RNF122: variants seen among roughly 807,000 people sequenced by gnomAD.
RNF122 encodes ring finger protein 122.
A neutral mutation model predicts 24.2 loss-of-function variants in RNF122; 17 were observed. The ratio of observed to expected loss-of-function variants is 0.70; its 90% CI spans 0.48 to 1.06. RNF122 has a LOEUF of 1.06. RNF122 is among the 50% of genes least tolerant of loss of function. The pLI is 0.00. For missense variants in RNF122, 168 were observed against 198.1 expected, an observed-to-expected ratio of 0.85 and a Z score of 0.91; for synonymous variants, 65 against 71.8, an observed-to-expected ratio of 0.91 and a Z score of 0.48.
At chr8:33,565,131 A>C (rs929019148) in intron 1 of RNF122, among the ~76,000 whole-genome samples, 1 of 152,172 alleles carries the variant, frequency 6.6e-6, no homozygotes, top group African/African-American at 2.4e-5. Context: ...TCTCTTTCCC[A>C]GCCAACGGGA....
chr8:33,557,161 G>A (rs1810465355), intron 2 of RNF122, among the ~76,000 whole-genome samples: 2 of 152,174 alleles, frequency 1.3e-5, no homozygotes, highest in Non-Finnish European at 1.5e-5. Flanking sequence ...TGGCCACAAT[G>A]GCCCTAAAGA....
chr8:33,560,443 G>A (rs962349656), intron 1 of RNF122, among the ~76,000 whole-genome samples: 1 of 152,024 alleles, frequency 6.6e-6, no homozygotes, highest in Non-Finnish European at 1.5e-5. Context: ...GTGTAAACAT[G>A]CCTCACTGTA....
rs758875390 is a variant in RNF122, at chr8:33,558,608, C to T, written c.182+7G>A. On this transcript the variant is annotated splice_region_variant and intron_variant, in intron 2 of 5. Transcript: ENST00000256257. Reference sequence around the variant, plus strand: ...CTCCCACCCCGGTCAGCCAGGGATCCACGCACCTGATAAAATAGCAGCAGA... The same window carrying T: ...CTCCCACCCCGGTCAGCCAGGGATCTACGCACCTGATAAAATAGCAGCAGA... The T allele has an allele frequency of 6.3e-7, 1 of 1,597,500 alleles. No individual in the cohort carries two copies. Among genetic ancestry groups the T allele is most frequent in the South Asian group, 1.1e-5 (1 of 88,972 alleles).
chr8:33,549,290 G>T, intron 5 of RNF122, 120 bp downstream of exon 5: 1 of 792,700 alleles, frequency 1.3e-6, no homozygotes, highest in Non-Finnish European at 2.2e-6. Context: ...CGGTGTTCAC[G>T]TAGGACCTGG....
At position 33,560,522 on chromosome 8, in the gene RNF122, G is replaced by T. The variant is rs948315423; in HGVS notation, c.26-1751C>A. On this transcript the variant is annotated intron_variant, in intron 1 of 5. Coordinates refer to ENST00000256257, the MANE Select transcript of RNF122 (RefSeq NM_024787.3). ...CACAAAGGGCTGGGACTATAAGCAT[G>T]AGCCACTGCACCCGGCAGGTTCTTT... 7.9e-5 allele frequency among the ~76,000 whole-genome samples: 12 copies of T among 151,940 alleles called. 1 individual carries two copies. The highest frequency in any genetic ancestry group is 7.2e-4 in the Admixed American group (11 of 15,238).
At chr8:33,550,565 G>T (rs955568416) in intron 4 of RNF122, among the ~76,000 whole-genome samples, 1 of 151,438 alleles carries the variant, frequency 6.6e-6, no homozygotes, top group Non-Finnish European at 1.5e-5. Flanking sequence ...CAAGGAACTG[G>T]TGTATGGGTG....
intron 2 of RNF122, among the ~76,000 whole-genome samples, chr8:33,558,230 G>A (rs1388641980): frequency 6.6e-6 from 1 of 152,128 alleles, no homozygotes; most frequent in African/African-American, 2.4e-5. Flanking sequence ...GGAACATGAC[G>A]CTGGCATAAC....
rs1810368876 is a variant in RNF122, at chr8:33,551,166, G to A, written c.229-81C>T. On this transcript the variant is annotated intron_variant, in intron 3 of 5. Transcript: ENST00000256257. ...CAGGTAGTATCAACCAATGAAGGGA[G>A]TCCCCTGGACTGCCTGGGGCAAGCC... 22 of 1,549,046 alleles carry A rather than the reference G, an allele frequency of 1.4e-5. No homozygotes were observed. In the East Asian group the frequency reaches 4.7e-4, roughly 33 times the overall value.
chr8:33,548,675 G>A lies in RNF122; in HGVS notation c.*78C>T. The stretch of plus-strand genomic sequence containing the variant: ...GTGATCGTCATCACCCTACAGTCCT[G>A]TTGGTTGGAGCTGTGCAGAGGGACC... On this transcript the variant is annotated 3_prime_UTR_variant, in exon 6 of 6. Coordinates refer to ENST00000256257, the MANE Select transcript of RNF122 (RefSeq NM_024787.3). 2.3e-6 allele frequency: 2 copies of A among 886,732 alleles called. No homozygotes were observed. Among genetic ancestry groups the A allele is most frequent in the Non-Finnish European group, 3.8e-6 (2 of 525,336 alleles). 54.9% of individuals were successfully genotyped at this position (886,732 alleles called of 1,614,324 possible).
At chr8:33,549,959 G>A (rs1810346873) in intron 4 of RNF122, among the ~76,000 whole-genome samples, 1 of 150,618 alleles carries the variant, frequency 6.6e-6, no homozygotes, top group Non-Finnish European at 1.5e-5. Flanking sequence ...TTGAGATGGA[G>A]TTTCACTCTT....
At chr8:33,551,553 A>T (rs1810376228) in intron 2 of RNF122, among the ~76,000 whole-genome samples, 164 bp from the exon 3 acceptor site, 2 of 152,174 alleles carry the variant, frequency 1.3e-5, no homozygotes, top group Non-Finnish European at 2.9e-5. Flanking sequence ...ACAAGGGTTG[A>T]TAAAGGACTA....
intron 4 of RNF122, 144 bp from the exon 5 acceptor site, chr8:33,549,636 G>A: frequency 3.2e-6 from 2 of 615,862 alleles, no homozygotes; most frequent in South Asian, 3.8e-5. Context: ...CTATATTGAT[G>A]GCATGGTAGT....
chr8:33,562,469 G>A (rs1393317855), intron 1 of RNF122, among the ~76,000 whole-genome samples: 3 of 150,306 alleles, frequency 2.0e-5, no homozygotes, highest in Non-Finnish European at 4.4e-5. Flanking sequence ...TTGAGTCTGA[G>A]AGGTCGAGGC....
intron 2 of RNF122, among the ~76,000 whole-genome samples, chr8:33,557,285 A>G (rs1006932174): frequency 5.3e-5 from 8 of 152,178 alleles, no homozygotes; most frequent in Non-Finnish European, 8.8e-5. Context: ...AAACACTACT[A>G]CTTTGATTCC....
chr8:33,558,855 C>T (rs1810496825), intron 1 of RNF122, 84 bp from the exon 2 acceptor site: 1 of 1,107,596 alleles, frequency 9.0e-7, no homozygotes, highest in Non-Finnish European at 1.2e-6. Context: ...ATAGAAATAA[C>T]TGGCAGGCTC....
intron 1 of RNF122, among the ~76,000 whole-genome samples, chr8:33,565,360 A>G (rs1563371515): frequency 6.9e-6 from 1 of 145,918 alleles, no homozygotes; most frequent in African/African-American, 2.6e-5. Flanking sequence ...AAGATCTGGC[A>G]GGAGTCTACT....
chr8:33,556,022 T>A (rs1810446089), intron 2 of RNF122, among the ~76,000 whole-genome samples: 2 of 151,334 alleles, frequency 1.3e-5, no homozygotes, highest in South Asian at 4.2e-4. Context: ...ATAAAAATTA[T>A]CCACAAAAAA....
At chr8:33,563,605 G>A (rs1166480832) in intron 1 of RNF122, among the ~76,000 whole-genome samples, 1 of 152,170 alleles carries the variant, frequency 6.6e-6, no homozygotes, top group Non-Finnish European at 1.5e-5. Context: ...GGTCAAAGAA[G>A]AACAATTTTC....
rs181972917 is a variant in RNF122 at position 33,560,536 on chromosome 8, G to A, written c.26-1765C>T. On this transcript the variant is annotated intron_variant, in intron 1 of 5. Coordinates refer to ENST00000256257, the MANE Select transcript of RNF122 (RefSeq NM_024787.3). ...ACTATAAGCATGAGCCACTGCACCC[G>A]GCAGGTTCTTTTTTTCCTTTTTTTT... 3.3e-5 allele frequency among the ~76,000 whole-genome samples: 5 copies of A among 151,838 alleles called. No individual in the cohort carries two copies. In the East Asian group the frequency reaches 7.7e-4, roughly 23 times the overall value.
Sources: gnomAD v4.1 joint callset for allele counts (sites outside exome capture counted in the v4.1 genomes callset) on GRCh38, gnomAD v4.1.1 for gene constraint, MANE v1.5 for transcripts, NCBI Gene and HGNC (gene_info 2026-07-23, HGNC 2026-07-21) for gene names.